The following PRKN variants were observed in gnomAD, a reference collection of about 807,000 sequenced individuals.
The protein encoded by PRKN is parkin RBR E3 ubiquitin protein ligase.
In PRKN, 56 loss-of-function variants were observed where a neutral mutation model predicts 59.5. That is an observed-to-expected ratio of 0.94 (90% CI 0.76 to 1.18). The LOEUF (loss-of-function observed/expected upper bound fraction) is 1.18, where lower values mean the gene tolerates loss of function less well. PRKN is among the 50% of genes most tolerant of loss of function. The probability of loss-of-function intolerance (pLI) is 0.00; values close to 1 mark genes in which losing one functional copy is unlikely to be tolerated. For synonymous variants in PRKN, 250 were observed against 222.1 expected (o/e 1.13, Z -1.12); for missense variants, 657 against 596.4 (o/e 1.10, Z -1.06).
At position 161,561,235 on chromosome 6, in the gene PRKN, T is replaced by C. The variant is rs1780444771; in HGVS notation, c.933+8120A>G. The stretch of plus-strand genomic sequence containing the variant: ...GAAATATTTTTATAAATGTTGGTAA[T>C]AGTTATGATAATTAGTAGAATTAGG... On this transcript the variant is annotated intron_variant, in intron 8 of 11. Transcript: ENST00000366898. The surrounding 1 kb of genome is among the most constrained non-coding windows in gnomAD (Gnocchi z 5.0). 6.6e-6 allele frequency among the ~76,000 whole-genome samples: 1 copy of C among 152,228 alleles called. No individual in the cohort carries two copies. The highest frequency in any genetic ancestry group is 1.5e-5 in the Non-Finnish European group (1 of 68,044).
Position 161,902,346 on chromosome 6 carries a change from G to T in PRKN, c.734+70956C>A, listed in dbSNP as rs1247335707. Among the ~76,000 whole-genome samples the T allele has an allele frequency of 2.6e-5, 4 of 152,118 alleles. No individual in the cohort carries two copies. In the East Asian group the frequency reaches 7.7e-4, roughly 29 times the overall value. ...GACTTTTGATTAAATCACGAGAGAAGACTGCTGTGTAGTCTTTTCAAACTG... is the reference window on the plus strand; with the variant it reads ...GACTTTTGATTAAATCACGAGAGAATACTGCTGTGTAGTCTTTTCAAACTG... On this transcript the variant is annotated intron_variant, in intron 6 of 11. Coordinates refer to ENST00000366898, the MANE Select transcript of PRKN (RefSeq NM_004562.3).
intron 7 of PRKN, among the ~76,000 whole-genome samples, chr6:161,639,945 T>C (rs1783677822): frequency 6.6e-6 from 1 of 152,194 alleles, no homozygotes; most frequent in African/African-American, 2.4e-5. Flanking sequence ...AGTAAAATTC[T>C]TTCCCAGATG....
Position 161,552,140 on chromosome 6 carries a change from T to A in PRKN, c.934-3137A>T, listed in dbSNP as rs1780042550. On this transcript the variant is annotated intron_variant, in intron 8 of 11. Coordinates refer to ENST00000366898, the MANE Select transcript of PRKN (RefSeq NM_004562.3). The surrounding 1 kb of genome is among the most constrained non-coding windows in gnomAD (Gnocchi z 4.9). The stretch of plus-strand genomic sequence containing the variant: ...TTTAAAGGAAAACTCGTGAGCAGAG[T>A]CTTCTGTTTCTCTGCACCAACACTG... 6.6e-6 allele frequency among the ~76,000 whole-genome samples: 1 copy of A among 152,074 alleles called. No homozygotes were observed. Among genetic ancestry groups the A allele is most frequent in the Admixed American group, 6.5e-5 (1 of 15,282 alleles).
intron 9 of PRKN, among the ~76,000 whole-genome samples, chr6:161,422,521 A>G (rs562750401): frequency 6.2e-4 from 94 of 152,280 alleles, no homozygotes; most frequent in Non-Finnish European, 1.2e-3. Context: ...TAAAATCTTG[A>G]GAAAATTAAC....
rs1231195043 is a variant in PRKN, at chr6:161,546,112, T to C, written c.1083+2742A>G. ...CATGTAAGCAATCTTCCTTGAATGTTGGGTTTTTGGGTGAGCTTTGGATAA... is the reference window on the plus strand; with the variant it reads ...CATGTAAGCAATCTTCCTTGAATGTCGGGTTTTTGGGTGAGCTTTGGATAA... On this transcript the variant is annotated intron_variant, in intron 9 of 11. Transcript: ENST00000366898. This position sits in a 1 kb window ranked among gnomAD's most constrained non-coding sequence, Gnocchi z 4.4. Among the ~76,000 whole-genome samples, 1 of 152,230 alleles carries C rather than the reference T, an allele frequency of 6.6e-6. No individual in the cohort carries two copies. The highest frequency in any genetic ancestry group is 1.5e-5 in the Non-Finnish European group (1 of 68,036).
At chr6:161,849,685 G>C (rs905906465) in intron 6 of PRKN, among the ~76,000 whole-genome samples, 2 of 152,166 alleles carry the variant, frequency 1.3e-5, no homozygotes, top group African/African-American at 4.8e-5. Flanking sequence ...TCAGTCGTCT[G>C]CTGTATTTTG....
intron 4 of PRKN, among the ~76,000 whole-genome samples, chr6:162,175,942 T>TA (rs1783511924): frequency 6.6e-6 from 1 of 152,234 alleles, no homozygotes; most frequent in Non-Finnish European, 1.5e-5. Flanking sequence ...CTCCACCATG[T>TA]AGCCTTCACT....
At chr6:161,769,394 G>T (rs566295523) in intron 7 of PRKN, among the ~76,000 whole-genome samples, 1 of 152,224 alleles carries the variant, frequency 6.6e-6, no homozygotes, top group East Asian at 1.9e-4. Context: ...GAGTGGGCTG[G>T]TCAATGAATT....
chr6:162,281,843 G>T (rs1427024845), intron 2 of PRKN, among the ~76,000 whole-genome samples: 1 of 152,162 alleles, frequency 6.6e-6, no homozygotes, highest in South Asian at 2.1e-4. Flanking sequence ...ACCAGGGAGT[G>T]GTTTTGTGGA....
chr6:161,349,212 C>T lies in PRKN; in HGVS notation c.*887G>A, dbSNP rs1467892055. 1 of 217,802 alleles carries T rather than the reference C, an allele frequency of 4.6e-6. No individual in the cohort carries two copies. Among genetic ancestry groups the T allele is most frequent in the Non-Finnish European group, 9.2e-6 (1 of 108,524 alleles). The allele number at this position is 217,802 out of a possible 1,614,324, so 13.5% of individuals were successfully genotyped here. A position where few individuals can be genotyped will look rare whatever the true frequency, so the allele number is the denominator to read the frequency against. On this transcript the variant is annotated 3_prime_UTR_variant, in exon 12 of 12. Transcript: ENST00000366898. This position sits in a 1 kb window ranked among gnomAD's most constrained non-coding sequence, Gnocchi z 5.5. ...CGTGTTTCCTTTATAGGCACTTTAT[C>T]TATTAAATTTACAGTGGAGCCAAAT...
rs76137185 is a variant in PRKN at position 162,096,112 on chromosome 6, C to T, written c.535-41938G>A. ...ATGGTAGGTATGCTGCCAACTATAA[C>T]GACAGAGATATCTACACATGTGTAG... On this transcript the variant is annotated intron_variant, in intron 4 of 11. Coordinates refer to ENST00000366898, the MANE Select transcript of PRKN (RefSeq NM_004562.3). 9.4e-3 allele frequency among the ~76,000 whole-genome samples: 1,427 copies of T among 151,332 alleles called. 13 individuals carry two copies. Among genetic ancestry groups the T allele is most frequent in the African/African-American group, 0.03 (1,224 of 41,170 alleles).
intron 2 of PRKN, among the ~76,000 whole-genome samples, chr6:162,296,612 C>T (rs542741009): frequency 4.1e-4 from 63 of 152,174 alleles, no homozygotes; most frequent in Middle Eastern, 3.4e-3. Context: ...GTGCCAATCA[C>T]ATTGAGGTAA....
At chr6:161,952,889 T>G (rs1449896249) in intron 6 of PRKN, among the ~76,000 whole-genome samples, 1 of 152,118 alleles carries the variant, frequency 6.6e-6, no homozygotes, top group African/African-American at 2.4e-5. Flanking sequence ...GATCAAAGAA[T>G]CACATGTATA....
intron 3 of PRKN, among the ~76,000 whole-genome samples, chr6:162,212,692 G>A (rs78924229): frequency 2.0e-5 from 3 of 152,258 alleles, no homozygotes; most frequent in Middle Eastern, 3.4e-3. Context: ...GTCCTTAGAC[G>A]ATTGTGGAAT....
At chr6:161,366,245 G>C (rs1305974611) in intron 10 of PRKN, among the ~76,000 whole-genome samples, 2 of 152,202 alleles carry the variant, frequency 1.3e-5, no homozygotes, top group Non-Finnish European at 2.9e-5. Flanking sequence ...TCTAGAGCCT[G>C]AGGTTGAGGC....
At chr6:161,812,507 A>T (rs531482800) in intron 6 of PRKN, among the ~76,000 whole-genome samples, 8 of 152,316 alleles carry the variant, frequency 5.3e-5, no homozygotes, top group African/African-American at 1.4e-4. Context: ...GAGTATACAT[A>T]AAAAAACTTA....
rs181471494 is a variant in PRKN, at chr6:162,101,697, T to C, written c.535-47523A>G. Among the ~76,000 whole-genome samples the C allele has an allele frequency of 9.7e-4, 148 of 152,004 alleles. 1 individual carries two copies. Among genetic ancestry groups the C allele is most frequent in the African/African-American group, 3.4e-3 (140 of 41,474 alleles). ...TAAAAAAAAAAACCAATTGACTGTA[T>C]ATGTGTGGATTTATATCTGAGATCT... On this transcript the variant is annotated intron_variant, in intron 4 of 11. Coordinates refer to ENST00000366898, the MANE Select transcript of PRKN (RefSeq NM_004562.3).
intron 1 of PRKN, among the ~76,000 whole-genome samples, chr6:162,697,799 G>A (rs1466602707): frequency 3.3e-5 from 5 of 152,122 alleles, no homozygotes; most frequent in Admixed American, 2.6e-4. Context: ...TAGAGCAGGA[G>A]TATTTATTAA....
Position 161,547,391 on chromosome 6 carries a change from A to G in PRKN, c.1083+1463T>C, listed in dbSNP as rs1583213995. On this transcript the variant is annotated intron_variant, in intron 9 of 11. Transcript: ENST00000366898. The surrounding 1 kb of genome is among the most constrained non-coding windows in gnomAD (Gnocchi z 4.0). ...GCTTAAGTATGTATGTTATTTACTT[A>G]TAATTTACTTGTATAAAAAAGGGAA... 6.6e-6 allele frequency among the ~76,000 whole-genome samples: 1 copy of G among 152,226 alleles called. No individual in the cohort carries two copies. Among genetic ancestry groups the G allele is most frequent in the African/African-American group, 2.4e-5 (1 of 41,454 alleles).
Sources: allele counts gnomAD v4.1 joint callset (sites outside exome capture counted in the v4.1 genomes callset), GRCh38; gene constraint gnomAD v4.1.1; non-coding constraint Gnocchi (gnomAD v3.1); transcripts MANE v1.5; gene names NCBI Gene and HGNC (gene_info 2026-07-23, HGNC 2026-07-21).